The following DACH2 variants were observed in gnomAD, a reference collection of about 807,000 sequenced individuals.
DACH2 encodes the protein dachshund homolog 2.
A neutral mutation model predicts 35.8 loss-of-function variants in DACH2; 17 were observed. The ratio of observed to expected loss-of-function variants is 0.48; its 90% confidence interval spans 0.33 to 0.71. The LOEUF (loss-of-function observed/expected upper bound fraction) is 0.71. DACH2 is among the 30% of genes least tolerant of loss of function. The pLI is 0.02. For synonymous variants in DACH2, 195 were observed against 177.3 expected (o/e 1.10, Z -0.79); for missense variants, 469 against 472.7 (o/e 0.99, Z 0.07).
chrX:86,332,928 T>C (rs932901922), intron 1 of DACH2, among the ~76,000 whole-genome samples: 6 of 112,206 alleles, frequency 5.3e-5, no homozygotes, highest in African/African-American at 1.3e-4. Flanking sequence ...TATAGTCTGC[T>C]TAATGCTATC....
At chrX:86,407,139 G>A (rs1569384450) in intron 2 of DACH2, among the ~76,000 whole-genome samples, 2 of 111,831 alleles carry the variant, frequency 1.8e-5, no homozygotes, top group Non-Finnish European at 3.8e-5. Flanking sequence ...GTGAACTCAT[G>A]AAGAATATTG....
intron 1 of DACH2, among the ~76,000 whole-genome samples, chrX:86,332,192 G>A (rs930675660): frequency 1.2e-4 from 13 of 111,238 alleles, no homozygotes; most frequent in Non-Finnish European, 1.9e-4. Context: ...GTTGATATAT[G>A]TCCCTTAGTG....
chrX:86,307,063 G>T (rs921225166), intron 1 of DACH2, among the ~76,000 whole-genome samples: 3 of 111,802 alleles, frequency 2.7e-5, no homozygotes, highest in Non-Finnish European at 5.6e-5. Context: ...CTCATGAAAG[G>T]CAAGGAGTTT....
chrX:86,308,506 G>A (rs905945776), intron 1 of DACH2, among the ~76,000 whole-genome samples: 2 of 112,251 alleles, frequency 1.8e-5, no homozygotes, highest in African/African-American at 3.2e-5. Context: ...CAGAAAACTT[G>A]TAGGTCGAAT....
At chrX:86,706,597 T>C (rs1193920161) in intron 5 of DACH2, among the ~76,000 whole-genome samples, 1 of 110,600 alleles carries the variant, frequency 9.0e-6, no homozygotes, top group African/African-American at 3.3e-5. Context: ...TTCTGGGCCA[T>C]AAAATACACT....
chrX:86,382,584 C>T (rs909750907), intron 2 of DACH2, among the ~76,000 whole-genome samples: 140 of 110,535 alleles, frequency 1.3e-3, no homozygotes, highest in East Asian at 8.5e-4. Flanking sequence ...ACATTGAACA[C>T]TGGTTACGAG....
At chrX:86,259,815 G>T (rs966503369) in intron 1 of DACH2, among the ~76,000 whole-genome samples, 3 of 111,395 alleles carry the variant, frequency 2.7e-5, no homozygotes, top group Non-Finnish European at 5.7e-5. Context: ...TCTATTAATT[G>T]GCCTTGTTTC....
chrX:86,337,793 T>C (rs1180581075), intron 1 of DACH2, among the ~76,000 whole-genome samples: 1 of 111,553 alleles, frequency 9.0e-6, no homozygotes, highest in Admixed American at 9.6e-5. Flanking sequence ...TCAAGACCCA[T>C]CAGTGTGCTG....
chrX:86,403,770 G>A (rs905600799), intron 2 of DACH2, among the ~76,000 whole-genome samples: 3 of 111,452 alleles, frequency 2.7e-5, no homozygotes, highest in Admixed American at 9.5e-5. Flanking sequence ...ATTCACAATA[G>A]CAAAACCATG....
At chrX:86,749,231 C>G (rs960708829) in intron 7 of DACH2, among the ~76,000 whole-genome samples, 4 of 111,965 alleles carry the variant, frequency 3.6e-5, no homozygotes, top group Non-Finnish European at 7.5e-5. Context: ...CTCTTAATGT[C>G]CTTCAAGAAC....
At chrX:86,404,989 G>A (rs944572968) in intron 2 of DACH2, among the ~76,000 whole-genome samples, 16 of 112,264 alleles carry the variant, frequency 1.4e-4, no homozygotes, top group East Asian at 1.4e-3. Context: ...TGAGCTCTAC[G>A]TTGTCCCCTT....
intron 1 of DACH2, among the ~76,000 whole-genome samples, chrX:86,327,610 G>GTA (rs10645679): frequency 0.19 from 21,574 of 111,155 alleles, 2,474 homozygotes; most frequent in African/African-American, 0.43. Flanking sequence ...AGTTAGTGTT[G>GTA]TAAACATTAA....
chrX:86,462,183 A>G (rs757137837), intron 2 of DACH2, among the ~76,000 whole-genome samples: 12 of 111,956 alleles, frequency 1.1e-4, no homozygotes, highest in African/African-American at 3.6e-4. Flanking sequence ...GAGAAGGATG[A>G]AATAACAGAT....
chrX:86,399,093 G>A (rs2036365436), intron 2 of DACH2, among the ~76,000 whole-genome samples: 1 of 111,438 alleles, frequency 9.0e-6, no homozygotes, highest in African/African-American at 3.3e-5. Flanking sequence ...TATATATTTA[G>A]GATAGTTCTT....
intron 3 of DACH2, among the ~76,000 whole-genome samples, chrX:86,649,127 T>C (rs1035512381): frequency 9.0e-6 from 1 of 110,908 alleles, no homozygotes; most frequent in East Asian, 2.8e-4. Flanking sequence ...TCTAAATCTT[T>C]TGTACGAATT....
At chrX:86,431,061 G>A (rs1407975895) in intron 2 of DACH2, among the ~76,000 whole-genome samples, 3 of 111,784 alleles carry the variant, frequency 2.7e-5, no homozygotes, top group African/African-American at 9.7e-5. Context: ...ATTTTATTAA[G>A]TAAATTTCAT....
chrX:86,749,201 G>T (rs2041745804), intron 7 of DACH2, among the ~76,000 whole-genome samples: 1 of 111,862 alleles, frequency 8.9e-6, no homozygotes. Flanking sequence ...CTTGTCATTT[G>T]TGTTTTCACT....
At chrX:86,313,507 A>T (rs1569344126) in intron 1 of DACH2, among the ~76,000 whole-genome samples, 1 of 111,876 alleles carries the variant, frequency 8.9e-6, no homozygotes, top group African/African-American at 3.2e-5. Context: ...GAAAACACCG[A>T]CTCAACTTGA....
chrX:86,699,743 G>T (rs2041117499), intron 5 of DACH2, among the ~76,000 whole-genome samples: 1 of 111,646 alleles, frequency 9.0e-6, no homozygotes, highest in Admixed American at 9.5e-5. Flanking sequence ...CTTCTGACAT[G>T]TTTGGGGTTG....
Sources: gnomAD v4.1 joint callset for allele counts (sites outside exome capture counted in the v4.1 genomes callset) on GRCh38, gnomAD v4.1.1 for gene constraint, MANE v1.5 for transcripts, NCBI Gene and HGNC (gene_info 2026-07-23, HGNC 2026-07-21) for gene names.